The following DIS3L2 variants were observed in gnomAD, a reference collection of about 807,000 sequenced individuals.
DIS3L2 encodes DIS3-like exonuclease 2.
A neutral mutation model predicts 97.5 loss-of-function variants in DIS3L2; 34 were observed. The ratio of observed to expected loss-of-function variants is 0.35; its 90% CI spans 0.27 to 0.46. The LOEUF is 0.46. Among genes scored for constraint, DIS3L2 ranks in the 20% least tolerant of loss-of-function variants. The pLI is 1.00. For missense variants in DIS3L2, 1,038 were observed against 1,146.0 expected (o/e 0.91, Z 1.36); for synonymous variants, 435 against 445.2 (o/e 0.98, Z 0.29).
chr2:232,317,360 A>G (rs971951202), intron 14 of DIS3L2, among the ~76,000 whole-genome samples: 3 of 152,268 alleles, frequency 2.0e-5, no homozygotes, highest in Non-Finnish European at 2.9e-5. Context: ...TGCTGGACAA[A>G]TGTCTCCTGG....
At chr2:232,062,663 A>G (rs1460149081) in intron 5 of DIS3L2, among the ~76,000 whole-genome samples, 1 of 151,990 alleles carries the variant, frequency 6.6e-6, no homozygotes, top group Non-Finnish European at 1.5e-5. Context: ...ATTTTTTCTA[A>G]GACTCCCTAG....
intron 5 of DIS3L2, among the ~76,000 whole-genome samples, chr2:232,064,484 T>C (rs1244842596): frequency 2.6e-5 from 4 of 152,210 alleles, no homozygotes; most frequent in African/African-American, 9.6e-5. Context: ...TTAAGAACAA[T>C]GCCCCTGTGA....
chr2:232,216,037 T>G (rs896143806), intron 10 of DIS3L2, among the ~76,000 whole-genome samples: 5 of 152,198 alleles, frequency 3.3e-5, no homozygotes, highest in African/African-American at 1.2e-4. Context: ...ACCTGAAGTC[T>G]CCCTCATCCT....
chr2:231,975,882 C>T (rs907362141), intron 1 of DIS3L2, among the ~76,000 whole-genome samples: 1 of 151,884 alleles, frequency 6.6e-6, no homozygotes, highest in African/African-American at 2.4e-5. Flanking sequence ...CTATTACTTT[C>T]CTGTTCTTTA....
intron 9 of DIS3L2, among the ~76,000 whole-genome samples, chr2:232,190,049 G>A (rs1199201285): frequency 6.6e-6 from 1 of 152,160 alleles, no homozygotes; most frequent in African/African-American, 2.4e-5. Flanking sequence ...AAAAGGGGCT[G>A]AGCACGGTGG....
chr2:232,038,669 T>C (rs1276821811), intron 5 of DIS3L2, among the ~76,000 whole-genome samples: 1 of 152,158 alleles, frequency 6.6e-6, no homozygotes, highest in Non-Finnish European at 1.5e-5. Flanking sequence ...TCCTGTGCTG[T>C]TAGAAGTGCT....
At chr2:232,171,562 G>A (rs1690992014) in intron 9 of DIS3L2, among the ~76,000 whole-genome samples, 1 of 152,172 alleles carries the variant, frequency 6.6e-6, no homozygotes, top group African/African-American at 2.4e-5. Context: ...GGAAATTCAA[G>A]GGTTGTGCTT....
At position 232,336,502 on chromosome 2, in the gene DIS3L2, C is replaced by T; in HGVS notation, c.2530C>T (p.Leu844=). Residue 844 remains leucine (L), a synonymous_variant, in exon 21 of 21, where the codon CTG becomes TTG. Coordinates refer to ENST00000325385, the MANE Select transcript of DIS3L2 (RefSeq NM_152383.5). ...CATCTTCAGCCTGGTGGAGGTGGTC[C>T]TGCAGGCAGAGTCCACAGCCCTCAA... ...ITIFSLVEVV[L]QAESTALKYS... 8.7e-6 allele frequency: 14 copies of T among 1,611,498 alleles called. No homozygotes were observed. The highest frequency in any genetic ancestry group is 1.1e-5 in the Non-Finnish European group (13 of 1,179,784).
At chr2:232,338,708 A>C (rs1411987233), downstream of DIS3L2, among the ~76,000 whole-genome samples, 1 of 151,782 alleles carries the variant, frequency 6.6e-6, no homozygotes, top group Non-Finnish European at 1.5e-5. Context: ...GTCTGCATTC[A>C]CTCCTTTAAG....
intron 5 of DIS3L2, among the ~76,000 whole-genome samples, chr2:232,083,783 C>T (rs2106303143): frequency 6.6e-6 from 1 of 152,306 alleles, no homozygotes; most frequent in Middle Eastern, 3.4e-3. Flanking sequence ...GTGTGAGCCA[C>T]CACGCCAGGC....
chr2:232,166,908 C>T (rs1331632825), intron 9 of DIS3L2, among the ~76,000 whole-genome samples: 1 of 151,914 alleles, frequency 6.6e-6, no homozygotes, highest in Non-Finnish European at 1.5e-5. Context: ...ATAATCCCAG[C>T]TACTTGGGAG....
chr2:232,329,785 T>TCCCCGGGGGCGCC, intron 14 of DIS3L2, 28 bp from the exon 15 acceptor site: 3 of 967,144 alleles, frequency 3.1e-6, no homozygotes, highest in Non-Finnish European at 4.4e-6. Flanking sequence ...ACCCCAGCGG[T>TCCCCGGGGGCGCC]CCCTCCCATC....
At chr2:232,248,651 G>A (rs930410633) in intron 11 of DIS3L2, among the ~76,000 whole-genome samples, 1 of 152,190 alleles carries the variant, frequency 6.6e-6, no homozygotes, top group African/African-American at 2.4e-5. Context: ...CTTAAAAAAT[G>A]GGAAAATGGA....
intron 8 of DIS3L2, among the ~76,000 whole-genome samples, chr2:232,154,710 T>C (rs910603024): frequency 3.4e-5 from 5 of 148,430 alleles, no homozygotes; most frequent in African/African-American, 1.2e-4. Flanking sequence ...GCAGGCCTCC[T>C]TGAGCTGTGG....
intron 14 of DIS3L2, among the ~76,000 whole-genome samples, chr2:232,306,870 C>A (rs1694998638): frequency 6.6e-6 from 1 of 152,266 alleles, no homozygotes; most frequent in South Asian, 2.1e-4. Context: ...TACATGCTGT[C>A]TGTACCAGAT....
intron 10 of DIS3L2, among the ~76,000 whole-genome samples, chr2:232,212,237 G>T (rs1304704356): frequency 1.3e-5 from 2 of 152,254 alleles, no homozygotes; most frequent in Admixed American, 1.3e-4. Context: ...CTGAGCCACA[G>T]TGTGGAAAGT....
rs565204445 is a variant in DIS3L2 at position 232,037,552 on chromosome 2, C to G, written c.366+7472C>G. Among the ~76,000 whole-genome samples, 1 of 152,290 alleles carries G rather than the reference C, an allele frequency of 6.6e-6. No individual in the cohort carries two copies. The highest frequency in any genetic ancestry group is 2.4e-5 in the African/African-American group (1 of 41,574). ...TTTCCAGCGGGGTGAACAGTTCTCTCTCACTGGTATACCAGGAGTCACTGG... is the reference window on the plus strand; with the variant it reads ...TTTCCAGCGGGGTGAACAGTTCTCTGTCACTGGTATACCAGGAGTCACTGG... On this transcript the variant is annotated intron_variant, in intron 5 of 20. Transcript: ENST00000325385. The surrounding 1 kb of genome is among the most constrained non-coding windows in gnomAD (Gnocchi z 4.6).
At chr2:232,026,803 T>G (rs999184497) in intron 4 of DIS3L2, among the ~76,000 whole-genome samples, 5 of 152,176 alleles carry the variant, frequency 3.3e-5, no homozygotes, top group Non-Finnish European at 7.4e-5. Flanking sequence ...AAGGTGGTGA[T>G]GTTTTAAAAG....
At chr2:232,311,798 A>G (rs751756069) in intron 14 of DIS3L2, among the ~76,000 whole-genome samples, 78 of 152,314 alleles carry the variant, frequency 5.1e-4, no homozygotes, top group Non-Finnish European at 9.8e-4. Flanking sequence ...TCTATAGTCC[A>G]TTCATCAATT....
Sources: gnomAD v4.1 joint callset for allele counts (sites outside exome capture counted in the v4.1 genomes callset) on GRCh38, gnomAD v4.1.1 for gene constraint, Gnocchi (gnomAD v3.1) non-coding constraint, MANE v1.5 for transcripts, NCBI Gene and HGNC (gene_info 2026-07-23, HGNC 2026-07-21) for gene names.